The following CPA3 variants were observed in gnomAD, a reference collection of about 807,000 sequenced individuals.
CPA3 encodes the protein mast cell carboxypeptidase A.
A neutral mutation model predicts 55.8 loss-of-function variants in CPA3; 52 were observed. The observed-to-expected ratio is 0.93, with a 90% CI of 0.75 to 1.17. The LOEUF is 1.17. Among genes scored for constraint, CPA3 ranks in the 50% most tolerant of loss-of-function variants. The probability of loss-of-function intolerance (pLI) is 0.00; values close to 1 mark genes in which losing one functional copy is unlikely to be tolerated. For missense variants in CPA3, 547 were observed against 509.1 expected, an observed-to-expected ratio of 1.07 and a Z score of -0.72; for synonymous variants, 179 against 171.2, an observed-to-expected ratio of 1.05 and a Z score of -0.36.
At chr3:148,894,831 A>G (rs925186435) in intron 10 of CPA3, among the ~76,000 whole-genome samples, 1 of 152,076 alleles carries the variant, frequency 6.6e-6, no homozygotes, top group African/African-American at 2.4e-5. Flanking sequence ...TAATTTAAAC[A>G]TTCATTTTTC....
chr3:148,882,434 G>T, intron 7 of CPA3, 71 bp from the exon 8 acceptor site: 1 of 1,286,046 alleles, frequency 7.8e-7, no homozygotes, highest in African/African-American at 1.5e-5. Context: ...CCTGCAGAGA[G>T]AATTTGAAAT....
At chr3:148,878,174 C>G (rs1714259812) in intron 3 of CPA3, among the ~76,000 whole-genome samples, 1 of 152,170 alleles carries the variant, frequency 6.6e-6, no homozygotes, top group Non-Finnish European at 1.5e-5. Flanking sequence ...CAGCAATCTA[C>G]TCTTGGACAA....
Position 148,886,255 on chromosome 3 carries a change from C to T in CPA3, c.1066+78C>T, listed in dbSNP as rs537769752. 7 of 1,028,532 alleles carry T rather than the reference C, an allele frequency of 6.8e-6. No homozygotes were observed. The South Asian group carries it at 7.6e-5, about 11-fold the overall frequency. The allele number at this position is 1,028,532 out of a possible 1,614,324, so 63.7% of individuals were successfully genotyped here. A position where few individuals can be genotyped will look rare whatever the true frequency, so the allele number is the denominator to read the frequency against. On this transcript the variant is annotated intron_variant, in intron 10 of 10. Coordinates refer to ENST00000296046, the MANE Select transcript of CPA3 (RefSeq NM_001870.4). The stretch of plus-strand genomic sequence containing the variant: ...ATATTAAAGAAAATTATGGAATTTG[C>T]AATTTAGGTTAGAGCATCTGGAATT...
In CPA3 at chr3:148,896,946, AG is replaced by A. The variant is rs1714848469; in HGVS notation, c.*240del. ...GCTCCAAGTGAAGTTTGGACCCAGC[AG>A]AAAGCATTATTTTGAAAGGTGATAT... On this transcript the variant is annotated 3_prime_UTR_variant, in exon 11 of 11. Coordinates refer to ENST00000296046, the MANE Select transcript of CPA3 (RefSeq NM_001870.4). 3.0e-6 allele frequency: 1 copy of A among 335,360 alleles called. No homozygotes were observed. Among genetic ancestry groups the A allele is most frequent in the African/African-American group, 2.1e-5 (1 of 47,918 alleles). The allele number at this position is 335,360 out of a possible 1,614,324, so 20.8% of individuals were successfully genotyped here.
At chr3:148,874,468 C>G (rs1458957626) in intron 3 of CPA3, among the ~76,000 whole-genome samples, 1 of 152,118 alleles carries the variant, frequency 6.6e-6, no homozygotes, top group Non-Finnish European at 1.5e-5. Flanking sequence ...TAATTTCAAA[C>G]CTTCCCGGGT....
intron 5 of CPA3, 150 bp from the exon 6 acceptor site, chr3:148,879,638 C>T: frequency 3.6e-6 from 2 of 549,078 alleles, no homozygotes; most frequent in Middle Eastern, 4.3e-4. Context: ...GTCCCATGGT[C>T]CCTTCTGAGA....
intron 8 of CPA3, 53 bp downstream of exon 8, chr3:148,882,648 C>T: frequency 7.2e-7 from 1 of 1,392,454 alleles, no homozygotes; most frequent in Middle Eastern, 1.8e-4. Flanking sequence ...TATTTAGGTC[C>T]CAAACTTAAC....
chr3:148,870,886 C>T (rs568920967), intron 3 of CPA3, among the ~76,000 whole-genome samples: 2 of 151,998 alleles, frequency 1.3e-5, no homozygotes, highest in Non-Finnish European at 2.9e-5. Context: ...TTAAATAACC[C>T]CTGGTTACTG....
chr3:148,867,944 G>A (rs1028123489), intron 2 of CPA3, among the ~76,000 whole-genome samples: 1 of 152,196 alleles, frequency 6.6e-6, no homozygotes, highest in African/African-American at 2.4e-5. Context: ...TGCCCAGGCT[G>A]GAGTGCAATA....
chr3:148,872,209 G>T (rs1443092489), intron 3 of CPA3, among the ~76,000 whole-genome samples: 1 of 152,052 alleles, frequency 6.6e-6, no homozygotes, highest in Admixed American at 6.5e-5. Flanking sequence ...AAACAACATG[G>T]ATATACTAAC....
chr3:148,886,915 A>T (rs78200031), intron 10 of CPA3, among the ~76,000 whole-genome samples: 1 of 152,094 alleles, frequency 6.6e-6, no homozygotes, highest in East Asian at 1.9e-4. Context: ...CCTTCTCACT[A>T]TGTTCAGCCG....
At chr3:148,883,899 A>T in intron 9 of CPA3, 84 bp downstream of exon 9, 1 of 986,950 alleles carries the variant, frequency 1.0e-6, no homozygotes, top group South Asian at 1.5e-5. Context: ...GTATGTTGAA[A>T]GAATTTCACA....
At chr3:148,873,375 G>GTGCA (rs1553769021) in intron 3 of CPA3, among the ~76,000 whole-genome samples, 56 of 119,082 alleles carry the variant, frequency 4.7e-4, no homozygotes, top group Non-Finnish European at 8.5e-4. Context: ...GCGCGCACAC[G>GTGCA]CGCACACACA....
chr3:148,865,651 C>CA (rs1359475132), intron 2 of CPA3, 103 bp downstream of exon 2: 1 of 1,019,914 alleles, frequency 9.8e-7, no homozygotes, highest in Admixed American at 2.4e-5. Context: ...GACTATTGAA[C>CA]ATAAGGGGAA....
At chr3:148,871,459 C>T (rs986770561) in intron 3 of CPA3, among the ~76,000 whole-genome samples, 10 of 152,272 alleles carry the variant, frequency 6.6e-5, no homozygotes, top group Middle Eastern at 6.8e-3. Flanking sequence ...TTGGCATGAG[C>T]ATGAATAGTG....
chr3:148,890,401 C>A (rs1444898519), intron 10 of CPA3, among the ~76,000 whole-genome samples: 2 of 152,170 alleles, frequency 1.3e-5, no homozygotes, highest in East Asian at 1.9e-4. Flanking sequence ...AAGTACATTT[C>A]TTGTAGCTTC....
Position 148,879,777 on chromosome 3 carries a change from C to G in CPA3, c.475-11C>G. On this transcript the variant is annotated splice_polypyrimidine_tract_variant and intron_variant, in intron 5 of 10. Transcript: ENST00000296046. ...TGTTCAAAACAATATCTCAAGTTTA[C>G]TTTTAAATAGATTGGGGAAAAGAAT... 6.3e-7 allele frequency: 1 copy of G among 1,575,038 alleles called. No individual in the cohort carries two copies. Among genetic ancestry groups the G allele is most frequent in the Non-Finnish European group, 8.7e-7 (1 of 1,144,972 alleles).
rs903804297 is a variant in CPA3 at position 148,896,837 on chromosome 3, A to G, written c.*130A>G. The stretch of plus-strand genomic sequence containing the variant: ...TCCTTCTCTTGCTCATTTAAGTCCC[A>G]TGTTACTGCTGTTTGCTTTTACTTA... On this transcript the variant is annotated 3_prime_UTR_variant, in exon 11 of 11. Coordinates refer to ENST00000296046, the MANE Select transcript of CPA3 (RefSeq NM_001870.4). 6.7e-6 allele frequency: 5 copies of G among 741,354 alleles called. No homozygotes were observed. The highest frequency in any genetic ancestry group is 1.8e-5 in the African/African-American group (1 of 56,994). 45.9% of individuals were successfully genotyped at this position (741,354 alleles called of 1,614,324 possible). A position where few individuals can be genotyped will look rare whatever the true frequency, so the allele number is the denominator to read the frequency against.
Position 148,869,117 on chromosome 3 carries a change from T to C in CPA3, c.269+78T>C, listed in dbSNP as rs1713990383. 4 of 1,520,192 alleles carry C rather than the reference T, an allele frequency of 2.6e-6. No individual in the cohort carries two copies. The South Asian group carries it at 4.9e-5, about 19-fold the overall frequency. The allele number at this position is 1,520,192 out of a possible 1,614,324, so 94.2% of individuals were successfully genotyped here. ...CTTGAAGTAGAGGAAAGTATTACAA[T>C]GGACCTATTTTTAATTGGGCCCCCC... On this transcript the variant is annotated intron_variant, in intron 3 of 10. Transcript: ENST00000296046.
Sources: gnomAD v4.1 joint callset for allele counts (sites outside exome capture counted in the v4.1 genomes callset) on GRCh38, gnomAD v4.1.1 for gene constraint, MANE v1.5 for transcripts, NCBI Gene and HGNC (gene_info 2026-07-23, HGNC 2026-07-21) for gene names.